The following SNRPN variants were observed in gnomAD, a reference collection of about 807,000 sequenced individuals.
SNRPN encodes small nuclear ribonucleoprotein-associated protein N.
Under a neutral mutation model 25.2 loss-of-function variants are expected in SNRPN, and 7 were observed. The ratio of observed to expected loss-of-function variants is 0.28; its 90% CI spans 0.16 to 0.52. The LOEUF is 0.52. Among genes scored for constraint, SNRPN ranks in the 20% least tolerant of loss-of-function variants. The pLI is 0.96. For missense variants in SNRPN, 196 were observed against 322.5 expected (o/e 0.61, Z 3.00); for synonymous variants, 124 against 110.6 (o/e 1.12, Z -0.76).
intron 1 of SNRPN, among the ~76,000 whole-genome samples, chr15:24,879,665 T>C (rs1432827817): frequency 6.6e-6 from 1 of 152,208 alleles, no homozygotes; most frequent in East Asian, 1.9e-4. Flanking sequence ...TCACATATTT[T>C]TTTGTTTGCA....
intron 1 of SNRPN, among the ~76,000 whole-genome samples, chr15:24,867,613 A>G (rs1357318483): frequency 6.6e-6 from 1 of 152,124 alleles, no homozygotes; most frequent in Non-Finnish European, 1.5e-5. Flanking sequence ...TGACCTCATG[A>G]TCCACCCGCC....
intron 1 of SNRPN, among the ~76,000 whole-genome samples, chr15:24,858,514 G>A (rs578065941): frequency 7.2e-5 from 11 of 152,120 alleles, no homozygotes; most frequent in Non-Finnish European, 1.5e-4. Context: ...AAGTAAACCA[G>A]GAGCCTGGCA....
At chr15:24,956,330 C>T (rs2062869177) in intron 1 of SNRPN, among the ~76,000 whole-genome samples, 1 of 141,956 alleles carries the variant, frequency 7.0e-6, no homozygotes, top group Admixed American at 8.0e-5. Flanking sequence ...GCTGCAGCGG[C>T]TTAGATCTGC....
intron 2 of SNRPN, among the ~76,000 whole-genome samples, chr15:24,917,289 A>G (rs926603004): frequency 1.4e-4 from 21 of 152,200 alleles, no homozygotes; most frequent in African/African-American, 4.6e-4. Context: ...CTATGATGTC[A>G]TATTTTTTTC....
In SNRPN at chr15:24,872,478, GC is replaced by G. The variant is rs2055252662; in HGVS notation, c.-578-14037del. On this transcript the variant is annotated intron_variant, in intron 1 of 11. Transcript: ENST00000400097. Reference sequence around the variant, plus strand: ...AATATAGTTTAGGCTGGGCGCAGTGGCTCACGCCTGTAATCCCAGCACTGTG... The same window carrying G: ...AATATAGTTTAGGCTGGGCGCAGTGGTCACGCCTGTAATCCCAGCACTGTG... 1.7e-5 allele frequency among the ~76,000 whole-genome samples: 2 copies of G among 120,636 alleles called. 1 individual carries two copies. Among genetic ancestry groups the G allele is most frequent in the African/African-American group, 5.7e-5 (2 of 35,176 alleles). The allele number at this position is 120,636 out of a possible 152,430, so 79.1% of individuals were successfully genotyped here.
chr15:24,891,536 C>T (rs1365935884), intron 2 of SNRPN, among the ~76,000 whole-genome samples: 1 of 151,852 alleles, frequency 6.6e-6, no homozygotes, highest in Admixed American at 6.6e-5. Context: ...CTCCTGGGTT[C>T]AAGCGATTCT....
intron 2 of SNRPN, among the ~76,000 whole-genome samples, chr15:24,846,795 G>GT: frequency 6.6e-6 from 1 of 152,136 alleles, no homozygotes; most frequent in East Asian, 1.9e-4. Flanking sequence ...GTGTCAATAA[G>GT]TTAGGATTTT....
chr15:24,843,788 AACACACAC>A (rs56693061), intron 2 of SNRPN, among the ~76,000 whole-genome samples: 4 of 139,806 alleles, frequency 2.9e-5, no homozygotes, highest in African/African-American at 5.4e-5. Context: ...CTCCATCACA[AACACACAC>A]ACACACACAC....
At chr15:24,839,580 G>T (rs2051506322) in intron 2 of SNRPN, among the ~76,000 whole-genome samples, 1 of 152,110 alleles carries the variant, frequency 6.6e-6, no homozygotes, top group Non-Finnish European at 1.5e-5. Flanking sequence ...AGACCTGGTG[G>T]TAGGGGTGGC....
At chr15:24,940,982 T>A (rs1198733751) in intron 3 of SNRPN, among the ~76,000 whole-genome samples, 2 of 152,090 alleles carry the variant, frequency 1.3e-5, no homozygotes, top group Non-Finnish European at 2.9e-5. Context: ...TGTTTTCTTT[T>A]GTTTTTGTTT....
chr15:24,918,261 C>T (rs912847548), intron 2 of SNRPN, among the ~76,000 whole-genome samples: 4 of 149,594 alleles, frequency 2.7e-5, no homozygotes, highest in African/African-American at 4.9e-5. Context: ...CAGTACCACA[C>T]ATTTTATCTT....
At chr15:24,969,200 C>T (rs1031100304) in intron 3 of SNRPN, among the ~76,000 whole-genome samples, 16 of 152,118 alleles carry the variant, frequency 1.1e-4, no homozygotes, top group African/African-American at 3.9e-4. Context: ...ATGGTTTCGG[C>T]TCACTGCAAC....
In SNRPN at chr15:24,978,520, T is replaced by G. The variant is rs1409731362; in HGVS notation, c.*76T>G. ...AAATTGTGTAGAGTGTTTGTGAGCT[T>G]TTTGTTCCCTCATTCTGCATTAATA... On this transcript the variant is annotated 3_prime_UTR_variant, in exon 10 of 10. Coordinates refer to ENST00000390687, the MANE Select transcript of SNRPN (RefSeq NM_003097.6). 2 of 1,299,414 alleles carry G rather than the reference T, an allele frequency of 1.5e-6. No individual in the cohort carries two copies. Among genetic ancestry groups the G allele is most frequent in the Non-Finnish European group, 2.2e-6 (2 of 896,988 alleles). 80.5% of individuals were successfully genotyped at this position (1,299,414 alleles called of 1,614,324 possible).
At chr15:24,904,703 A>C (rs2058686894) in intron 2 of SNRPN, among the ~76,000 whole-genome samples, 1 of 151,046 alleles carries the variant, frequency 6.6e-6, no homozygotes, top group Non-Finnish European at 1.5e-5. Context: ...CGGGCTGGGC[A>C]CAGTGGCTCA....
intron 3 of SNRPN, among the ~76,000 whole-genome samples, chr15:24,946,666 C>T (rs188527764): frequency 1.3e-5 from 2 of 152,274 alleles, no homozygotes; most frequent in Non-Finnish European, 2.9e-5. Context: ...GATGGGGTCT[C>T]CCTATGTTAT....
At chr15:24,907,309 G>A (rs185048249) in intron 2 of SNRPN, among the ~76,000 whole-genome samples, 322 of 152,190 alleles carry the variant, frequency 2.1e-3, no homozygotes, top group Non-Finnish European at 3.1e-3. Flanking sequence ...TCAAAAATTC[G>A]TGTTGAGGCC....
intron 1 of SNRPN, among the ~76,000 whole-genome samples, chr15:24,871,797 C>T (rs372927912): frequency 1.8e-4 from 25 of 142,722 alleles, no homozygotes; most frequent in African/African-American, 6.1e-4. Context: ...CTCCGCCTCC[C>T]CGGTTCACAC....
At chr15:24,824,822 T>A (rs1008626985) in intron 1 of SNRPN, among the ~76,000 whole-genome samples, 2 of 152,012 alleles carry the variant, frequency 1.3e-5, no homozygotes, top group Admixed American at 6.5e-5. Flanking sequence ...AACACTAACT[T>A]CCTCTTGAAG....
At chr15:24,825,966 G>C (rs1047176556) in intron 1 of SNRPN, among the ~76,000 whole-genome samples, 3 of 152,062 alleles carry the variant, frequency 2.0e-5, no homozygotes, top group Non-Finnish European at 4.4e-5. Flanking sequence ...TGGGTCAAGG[G>C]GGAGGGGTTC....
Sources: allele counts gnomAD v4.1 joint callset (sites outside exome capture counted in the v4.1 genomes callset), GRCh38; gene constraint gnomAD v4.1.1; transcripts MANE v1.5; gene names NCBI Gene and HGNC (gene_info 2026-07-23, HGNC 2026-07-21).